PTGER3: variants seen among roughly 807,000 people sequenced by gnomAD.
PTGER3 encodes prostaglandin E2 receptor EP3 subtype.
PTGER3 carries 22 observed loss-of-function variants against 34.7 expected under a neutral mutation model. The observed-to-expected ratio is 0.63, with a 90% CI of 0.45 to 0.91. The LOEUF (loss-of-function observed/expected upper bound fraction) is 0.91, where lower values mean the gene tolerates loss of function less well. Among genes scored for constraint, PTGER3 ranks in the 40% least tolerant of loss-of-function variants. The probability of loss-of-function intolerance (pLI) is 0.00; values close to 1 mark genes in which losing one functional copy is unlikely to be tolerated. For missense variants in PTGER3, 468 were observed against 519.4 expected (o/e 0.90, Z 0.96); for synonymous variants, 241 against 230.1 (o/e 1.05, Z -0.43).
At chr1:70,989,694 G>C (rs11801026) in intron 2 of PTGER3, among the ~76,000 whole-genome samples, 1 of 152,072 alleles carries the variant, frequency 6.6e-6, no homozygotes, top group African/African-American at 2.4e-5. Context: ...TATGTCACTT[G>C]CTGATTGAAA....
intron 1 of PTGER3, among the ~76,000 whole-genome samples, chr1:71,033,241 G>C (rs1334408902): frequency 1.3e-5 from 2 of 152,262 alleles, no homozygotes; most frequent in African/African-American, 4.8e-5. Context: ...ACAGGGATTA[G>C]AGAAATTTCA....
chr1:70,971,971 C>T (rs1414717272), intron 3 of PTGER3, among the ~76,000 whole-genome samples: 1 of 152,018 alleles, frequency 6.6e-6, no homozygotes, highest in Non-Finnish European at 1.5e-5. Context: ...TAACTCTAGT[C>T]TAAAAAGAAA....
intron 2 of PTGER3, among the ~76,000 whole-genome samples, chr1:70,982,168 C>A (rs1199952778): frequency 1.3e-5 from 2 of 152,292 alleles, no homozygotes; most frequent in African/African-American, 4.8e-5. Context: ...ATTCACTTCC[C>A]TGTACATCTA....
At chr1:70,962,986 G>C (rs754723172) in intron 2 of PTGER3, among the ~76,000 whole-genome samples, 1 of 152,198 alleles carries the variant, frequency 6.6e-6, no homozygotes, top group African/African-American at 2.4e-5. Flanking sequence ...AGATACAATG[G>C]GGGTACAGGC....
Position 71,012,427 on chromosome 1 carries a change from T to G in PTGER3, c.955A>C (p.Thr319Pro). ...AAGTTGCATTCTTTCTGCTTCTCCG[T>G]GTGTGTCTTGCAGTGCTCAACTGAT... ...QTSVEHCKTH[T>P]EKQKECNFFL... is the part of the protein sequence containing the mutation. Residue 319 changes from threonine to proline, a missense_variant, in exon 2 of 4, where the codon ACG becomes CCG. By Grantham distance (38) the Thr-to-Pro change is conservative. This residue lies in a region of PTGER3 where 204 missense variants were observed against 230.8 expected (regional missense o/e 0.88). Transcript: ENST00000306666. 1 of 1,614,172 alleles carries G rather than the reference T, an allele frequency of 6.2e-7. No individual in the cohort carries two copies. The highest frequency in any genetic ancestry group is 8.5e-7 in the Non-Finnish European group (1 of 1,180,022).
At chr1:70,871,714 A>G (rs1292676014) in intron 4 of PTGER3, among the ~76,000 whole-genome samples, 2 of 152,156 alleles carry the variant, frequency 1.3e-5, no homozygotes, top group African/African-American at 4.8e-5. Context: ...TGCAAACCTT[A>G]TTACCTAATG....
At chr1:70,935,664 CAAATAT>C (rs1366706869) in intron 4 of PTGER3, among the ~76,000 whole-genome samples, 8 of 68,516 alleles carry the variant, frequency 1.2e-4, no homozygotes, top group East Asian at 8.4e-4. Context: ...ACTAAGGATA[CAAATAT>C]AAATATATAT....
chr1:71,012,909 C>T (rs1474663), intron 1 of PTGER3, among the ~76,000 whole-genome samples: 1 of 152,076 alleles, frequency 6.6e-6, no homozygotes, highest in Admixed American at 6.6e-5. Flanking sequence ...AAAAAGTAGA[C>T]GCAAGAAAGG....
rs970013547 is a variant in PTGER3, at chr1:71,020,603, G to T, written c.898-8119C>A. ...ATTCCTCTTCAAAAAAAAACTCCAA[G>T]GGGCAAATGGAGGAAAGAGAAAAAT... On this transcript the variant is annotated intron_variant, in intron 1 of 3. Transcript: ENST00000306666. 4.6e-5 allele frequency among the ~76,000 whole-genome samples: 7 copies of T among 151,942 alleles called. No individual in the cohort carries two copies. The South Asian group carries it at 8.3e-4, about 18-fold the overall frequency.
downstream of PTGER3, among the ~76,000 whole-genome samples, chr1:70,967,433 G>A (rs1355692802): frequency 1.3e-5 from 2 of 152,058 alleles, no homozygotes; most frequent in African/African-American, 4.8e-5. Context: ...AAATACAGAA[G>A]TTTTTAAAAA....
In PTGER3 at chr1:71,020,939, C is replaced by A. The variant is rs554632319; in HGVS notation, c.898-8455G>T. Among the ~76,000 whole-genome samples, 128 of 151,870 alleles carry A rather than the reference C, an allele frequency of 8.4e-4. 1 individual carries two copies. Among genetic ancestry groups the A allele is most frequent in the Non-Finnish European group, 1.2e-3 (80 of 67,976 alleles). On this transcript the variant is annotated intron_variant, in intron 1 of 3. Transcript: ENST00000306666. The stretch of plus-strand genomic sequence containing the variant: ...TCGTCTCCAACTAGCAGAGCAGTTG[C>A]AAAAATTAAAATGTGATAAGAATAA...
At chr1:70,965,264 G>A (rs1652394347) in intron 2 of PTGER3, among the ~76,000 whole-genome samples, 1 of 151,806 alleles carries the variant, frequency 6.6e-6, no homozygotes, top group Non-Finnish European at 1.5e-5. Context: ...TATTAAAGAT[G>A]TTTAAAAAAG....
intron 4 of PTGER3, among the ~76,000 whole-genome samples, chr1:70,915,993 T>G (rs957606543): frequency 1.3e-5 from 2 of 151,824 alleles, no homozygotes; most frequent in African/African-American, 4.8e-5. Context: ...TACATCTAAC[T>G]AAGGTCTAAT....
intron 4 of PTGER3, among the ~76,000 whole-genome samples, chr1:70,937,074 C>A (rs938834276): frequency 1.3e-5 from 2 of 152,052 alleles, no homozygotes; most frequent in African/African-American, 4.8e-5. Flanking sequence ...GCTCCTTTGG[C>A]CCAAAACAAG....
At chr1:71,010,899 G>A in intron 2 of PTGER3, 1 of 985,016 alleles carries the variant, frequency 1.0e-6, no homozygotes, top group Non-Finnish European at 1.2e-6. Context: ...AACACACACA[G>A]AAATATGCAG....
intron 1 of PTGER3, among the ~76,000 whole-genome samples, chr1:71,027,675 T>C (rs987186961): frequency 1.3e-5 from 2 of 152,056 alleles, no homozygotes; most frequent in Non-Finnish European, 2.9e-5. Context: ...GAAATGTAAT[T>C]CAAGCCACAA....
Position 70,916,532 on chromosome 1 carries a change from A to G in PTGER3, c.*23+37231T>C, listed in dbSNP as rs554005001. Among the ~76,000 whole-genome samples the G allele has an allele frequency of 2.0e-5, 3 of 152,216 alleles. No individual in the cohort carries two copies. The South Asian group carries it at 6.2e-4, about 32-fold the overall frequency. ...TAAGAAAATGTGATACATATATACC[A>G]TAAGATACGACACAGCCATAAAAAA... On this transcript the variant is annotated intron_variant, in intron 4 of 4. Transcript: ENST00000370931.
chr1:70,994,163 T>C (rs553532410), intron 2 of PTGER3, among the ~76,000 whole-genome samples: 1 of 152,288 alleles, frequency 6.6e-6, no homozygotes, highest in Non-Finnish European at 1.5e-5. Flanking sequence ...GCTAGGGCCA[T>C]TGCAGACATC....
At chr1:70,854,295 A>G (rs1645750880) in intron 4 of PTGER3, among the ~76,000 whole-genome samples, 1 of 152,244 alleles carries the variant, frequency 6.6e-6, no homozygotes, top group African/African-American at 2.4e-5. Flanking sequence ...GCCTAGTTAA[A>G]AAAATGGGTA....
Sources: allele counts gnomAD v4.1 joint callset (sites outside exome capture counted in the v4.1 genomes callset), GRCh38; gene constraint gnomAD v4.1.1; regional missense constraint gnomAD v4.1.1; transcripts MANE v1.5; gene names NCBI Gene and HGNC (gene_info 2026-07-23, HGNC 2026-07-21).